ANK2: variants seen among roughly 807,000 people sequenced by gnomAD.
The protein encoded by ANK2 is ankyrin-2.
In ANK2, 83 loss-of-function variants were observed where a neutral mutation model predicts 360.5. That is an observed-to-expected ratio of 0.23 (90% CI 0.19 to 0.28). The LOEUF (loss-of-function observed/expected upper bound fraction) is 0.28. Among genes scored for constraint, ANK2 ranks in the 10% least tolerant of loss-of-function variants. ANK2 has a pLI of 1.00. For synonymous variants in ANK2, 1,740 were observed against 1,759.5 expected, an observed-to-expected ratio of 0.99 and a Z score of 0.28; for missense variants, 4,201 against 4,795.7, an observed-to-expected ratio of 0.88 and a Z score of 3.66.
the ANK2 span, among the ~76,000 whole-genome samples, chr4:112,744,691 G>A: frequency 2.6e-5 from 4 of 152,124 alleles, no homozygotes; most frequent in African/African-American, 9.7e-5. Flanking sequence ...TCATACTAGA[G>A]CATCTTGAAT....
rs962544588 is a variant in ANK2, at chr4:113,133,699, A to G, written c.85-40717A>G. Among the ~76,000 whole-genome samples, 12 of 152,320 alleles carry G rather than the reference A, an allele frequency of 7.9e-5. No individual in the cohort carries two copies. In the South Asian group the frequency reaches 8.3e-4, roughly 11 times the overall value. On this transcript the variant is annotated intron_variant, in intron 1 of 45. Transcript: ENST00000357077. ...TAGTTAGCTTGCTGTGCAATGCTAT[A>G]TACTGGACACTGTCCTAAGTACTTA... is the stretch of plus-strand genomic sequence containing the variant.
At position 113,356,154 on chromosome 4, in the gene ANK2, C is replaced by T; in HGVS notation, c.7536C>T (p.Asp2512=). 6.2e-7 allele frequency: 1 copy of T among 1,614,068 alleles called. No homozygotes were observed. The highest frequency in any genetic ancestry group is 8.5e-7 in the Non-Finnish European group (1 of 1,179,988). ...CTGTGCGGTCCCGGCTACTCCGAGACCCTGATGGCAGTGCTGAGGATGACA... is the reference window on the plus strand; with the variant it reads ...CTGTGCGGTCCCGGCTACTCCGAGATCCTGATGGCAGTGCTGAGGATGACA... ...VASVRSRLLR[D]PDGSAEDDSL... is the part of the protein sequence containing the mutation. Residue 2512 remains aspartate (D), a synonymous_variant, in exon 38 of 46, where the codon GAC becomes GAT. Transcript: ENST00000357077.
At chr4:113,005,903 C>T (rs926389106) in intron 2 of ANK2, among the ~76,000 whole-genome samples, 1 of 152,090 alleles carries the variant, frequency 6.6e-6, no homozygotes, top group African/African-American at 2.4e-5. Context: ...CCCTCTTGCT[C>T]CCTCTTTCGC....
chr4:113,121,950 C>A (rs1468869610), intron 1 of ANK2, among the ~76,000 whole-genome samples: 2 of 151,954 alleles, frequency 1.3e-5, no homozygotes, highest in East Asian at 3.9e-4. Context: ...AAGTTCTCAT[C>A]AAGTTGTAAC....
chr4:113,293,131 G>T, intron 21 of ANK2: 1 of 447,466 alleles, frequency 2.2e-6, no homozygotes, highest in Non-Finnish European at 4.3e-6. Flanking sequence ...ACGTCATGAG[G>T]CACTTTCTTA....
the ANK2 span, among the ~76,000 whole-genome samples, chr4:112,709,869 C>T: frequency 1.3e-5 from 2 of 152,266 alleles, no homozygotes; most frequent in Admixed American, 6.5e-5. Context: ...GCTTTAAGAC[C>T]GTCTGTCATT....
intron 38 of ANK2, 26 bp from the exon 39 acceptor site, chr4:113,360,797 G>T: frequency 1.2e-6 from 2 of 1,606,738 alleles, no homozygotes; most frequent in Non-Finnish European, 8.5e-7. Context: ...ACAACCTTTG[G>T]CCATTCTGTT....
chr4:112,739,032 A>G, the ANK2 span: 6 of 599,112 alleles, frequency 1.0e-5, no homozygotes, highest in Non-Finnish European at 1.9e-5. Context: ...CAAAGCCATC[A>G]TGGAAAGTTC....
intron 2 of ANK2, among the ~76,000 whole-genome samples, chr4:113,022,847 T>TAATC (rs138511339): frequency 1.9e-3 from 294 of 152,344 alleles, no homozygotes; most frequent in African/African-American, 6.6e-3. Flanking sequence ...GAGGTTAGCA[T>TAATC]AATCAATACA....
the ANK2 span, among the ~76,000 whole-genome samples, chr4:112,753,682 C>T: frequency 6.6e-6 from 1 of 152,168 alleles, no homozygotes; most frequent in South Asian, 2.1e-4. Flanking sequence ...TCTGGTTACC[C>T]TCACTGCTAC....
At chr4:112,996,402 T>G (rs1231677209) in intron 2 of ANK2, among the ~76,000 whole-genome samples, 1 of 152,104 alleles carries the variant, frequency 6.6e-6, no homozygotes, top group Non-Finnish European at 1.5e-5. Flanking sequence ...ATGCAAATTT[T>G]TATGCTTTAA....
the ANK2 span, among the ~76,000 whole-genome samples, chr4:112,756,146 G>A: frequency 2.0e-5 from 3 of 151,514 alleles, no homozygotes; most frequent in Admixed American, 1.3e-4. Flanking sequence ...GCTGAGGCAG[G>A]AGAATGGTGT....
At chr4:112,910,407 T>C (rs2086723415) in intron 2 of ANK2, among the ~76,000 whole-genome samples, 1 of 152,212 alleles carries the variant, frequency 6.6e-6, no homozygotes, top group East Asian at 1.9e-4. Flanking sequence ...GGTGAACTCG[T>C]TACTGAGAGC....
intron 40 of ANK2, among the ~76,000 whole-genome samples, chr4:113,364,157 G>A (rs866412631): frequency 3.3e-5 from 5 of 152,034 alleles, no homozygotes; most frequent in African/African-American, 4.8e-5. Context: ...CACTATGACC[G>A]CCATCACGCA....
At chr4:112,775,545 A>ACACACACACACACACACACAC in the ANK2 span, among the ~76,000 whole-genome samples, 35 of 150,962 alleles carry the variant, frequency 2.3e-4, no homozygotes, top group South Asian at 4.2e-4. Flanking sequence ...ACACACACAC[A>ACACACACACACACACACACAC]AGAAAAAAAA....
chr4:113,209,934 AG>A (rs1392858857), intron 4 of ANK2, among the ~76,000 whole-genome samples: 2 of 152,178 alleles, frequency 1.3e-5, no homozygotes, highest in Admixed American at 6.5e-5. Flanking sequence ...TGTTGGCCAG[AG>A]TTCAGTCCTC....
At chr4:113,192,924 T>TAAA (rs373250773) in intron 2 of ANK2, among the ~76,000 whole-genome samples, 14 of 136,780 alleles carry the variant, frequency 1.0e-4, no homozygotes, top group South Asian at 4.8e-4. Context: ...TTGCATTATT[T>TAAA]AAAAAAAAAA....
At chr4:113,287,548 ATGAT>A in intron 18 of ANK2, 53 bp from the exon 19 acceptor site, 1 of 1,236,618 alleles carries the variant, frequency 8.1e-7, no homozygotes, top group Non-Finnish European at 1.2e-6. Flanking sequence ...AATATTATAG[ATGAT>A]GCAATGTATT....
chr4:112,961,258 CAG>C (rs2034654733), intron 2 of ANK2, among the ~76,000 whole-genome samples: 1 of 151,932 alleles, frequency 6.6e-6, no homozygotes, highest in Non-Finnish European at 1.5e-5. Context: ...AGAAAAATAT[CAG>C]TGTAACAATA....
Sources: gnomAD v4.1 joint callset for allele counts (sites outside exome capture counted in the v4.1 genomes callset) on GRCh38, gnomAD v4.1.1 for gene constraint, MANE v1.5 for transcripts, NCBI Gene and HGNC (gene_info 2026-07-23, HGNC 2026-07-21) for gene names.